Variants in ADAMTS18 observed in about 807,000 individuals in gnomAD.
ADAMTS18 encodes the protein ADAM metallopeptidase with thrombospondin type 1 motif 18.
ADAMTS18 carries 157 observed loss-of-function variants against 165.9 expected under a neutral mutation model. The observed-to-expected ratio is 0.95, with a 90% confidence interval of 0.83 to 1.08. ADAMTS18 has a LOEUF of 1.08. Among genes scored for constraint, ADAMTS18 ranks in the 50% least tolerant of loss-of-function variants. The pLI, the probability that ADAMTS18 is intolerant of heterozygous loss-of-function variation, is 0.00. For synonymous variants in ADAMTS18, 782 were observed against 578.2 expected (o/e 1.35, Z -5.06); for missense variants, 2,040 against 1,534.0 (o/e 1.33, Z -5.51).
chr16:77,314,480 T>C (rs1297167997), intron 16 of ADAMTS18, among the ~76,000 whole-genome samples: 1 of 150,768 alleles, frequency 6.6e-6, no homozygotes, highest in Non-Finnish European at 1.5e-5. Flanking sequence ...GGCATGGTAG[T>C]GCACGCCTGT....
chr16:77,334,795 C>CTATAGTATACAGTA (rs2056275376), intron 12 of ADAMTS18, among the ~76,000 whole-genome samples: 29 of 20,340 alleles, frequency 1.4e-3, no homozygotes, highest in Admixed American at 5.9e-3. Context: ...AGTAAATATA[C>CTATAGTATACAGTA]TATATACTAT....
chr16:77,305,040 G>T (rs796114735), intron 16 of ADAMTS18, among the ~76,000 whole-genome samples: 2 of 152,286 alleles, frequency 1.3e-5, no homozygotes, highest in African/African-American at 4.8e-5. Flanking sequence ...CAAACCAGCA[G>T]AAAGCTGATG....
At chr16:77,378,701 T>C (rs1177741135) in intron 3 of ADAMTS18, among the ~76,000 whole-genome samples, 1 of 151,838 alleles carries the variant, frequency 6.6e-6, no homozygotes, top group Non-Finnish European at 1.5e-5. Flanking sequence ...GGTGACAGAG[T>C]GAAACTGTGT....
chr16:77,403,349 G>A (rs1301335357), intron 3 of ADAMTS18, among the ~76,000 whole-genome samples: 1 of 147,454 alleles, frequency 6.8e-6, no homozygotes, highest in Non-Finnish European at 1.5e-5. Context: ...TTTGGAGGTA[G>A]GCAGTATGAA....
intron 3 of ADAMTS18, among the ~76,000 whole-genome samples, chr16:77,418,464 A>T (rs1294801107): frequency 6.6e-6 from 1 of 152,164 alleles, no homozygotes; most frequent in Non-Finnish European, 1.5e-5. Flanking sequence ...TAAAGGGTAG[A>T]GAGGCCTGGA....
chr16:77,290,320 T>C (rs1455044446), intron 21 of ADAMTS18, among the ~76,000 whole-genome samples: 3 of 152,202 alleles, frequency 2.0e-5, no homozygotes, highest in South Asian at 4.1e-4. Context: ...CAAATGAACA[T>C]GGCTACATTC....
intron 11 of ADAMTS18, among the ~76,000 whole-genome samples, chr16:77,340,208 T>C (rs144418027): frequency 2.0e-5 from 3 of 152,316 alleles, no homozygotes; most frequent in Non-Finnish European, 4.4e-5. Context: ...AGAGTCTTGC[T>C]CTGTCACCCA....
At chr16:77,420,002 T>TAAAAAAAAAA (rs34486248) in intron 3 of ADAMTS18, among the ~76,000 whole-genome samples, 1 of 91,266 alleles carries the variant, frequency 1.1e-5, no homozygotes, top group Non-Finnish European at 2.0e-5. Context: ...TGTCGCAGAT[T>TAAAAAAAAAA]AAAAAAAAAA....
Position 77,385,250 on chromosome 16 carries a change from C to T in ADAMTS18, c.496-17527G>A, listed in dbSNP as rs536696297. Among the ~76,000 whole-genome samples the T allele has an allele frequency of 4.6e-5, 7 of 152,088 alleles. No individual in the cohort carries two copies. The East Asian group carries it at 5.8e-4, about 13-fold the overall frequency. ...ATATAAGATTAGTATCCCTTGTCAT[C>T]GAAAGTCTAACTCCTTTGCTATTTA... is the stretch of plus-strand genomic sequence containing the variant. On this transcript the variant is annotated intron_variant, in intron 3 of 22. Coordinates refer to ENST00000282849, the MANE Select transcript of ADAMTS18 (RefSeq NM_199355.4).
intron 11 of ADAMTS18, 147 bp from the exon 12 acceptor site, chr16:77,336,051 C>G (rs2056305770): frequency 4.2e-6 from 4 of 962,368 alleles, no homozygotes; most frequent in Non-Finnish European, 6.5e-6. Flanking sequence ...CTCTGCTGTG[C>G]TCTAAAAACA....
chr16:77,291,552 T>C, intron 20 of ADAMTS18, 74 bp from the exon 21 acceptor site: 1 of 1,452,204 alleles, frequency 6.9e-7, no homozygotes, highest in Admixed American at 1.7e-5. Flanking sequence ...CAGTTTGACA[T>C]AAGGTTGCAC....
intron 3 of ADAMTS18, among the ~76,000 whole-genome samples, chr16:77,389,519 G>T (rs1230835530): frequency 6.6e-6 from 1 of 152,136 alleles, no homozygotes; most frequent in Admixed American, 6.5e-5. Flanking sequence ...CACTGAAGTA[G>T]GACCTGCGAA....
At chr16:77,380,266 C>T (rs1192788978) in intron 3 of ADAMTS18, among the ~76,000 whole-genome samples, 1 of 152,208 alleles carries the variant, frequency 6.6e-6, no homozygotes, top group South Asian at 2.1e-4. Flanking sequence ...TCTTCAAAGC[C>T]CTTCAACTAT....
At chr16:77,366,660 T>C (rs2056799230) in intron 4 of ADAMTS18, among the ~76,000 whole-genome samples, 1 of 152,256 alleles carries the variant, frequency 6.6e-6, no homozygotes, top group Non-Finnish European at 1.5e-5. Context: ...ATCTACTTTT[T>C]TGACCTTAAT....
chr16:77,433,779 G>T (rs2057765693), intron 2 of ADAMTS18, among the ~76,000 whole-genome samples: 2 of 152,138 alleles, frequency 1.3e-5, no homozygotes, highest in South Asian at 4.1e-4. Flanking sequence ...TCAAAACAAG[G>T]ATTTCCCTCT....
chr16:77,426,033 T>C (rs574228660), intron 3 of ADAMTS18, among the ~76,000 whole-genome samples: 1 of 151,694 alleles, frequency 6.6e-6, no homozygotes, highest in African/African-American at 2.4e-5. Flanking sequence ...ACAGCGAGAC[T>C]CCACATCAAA....
At chr16:77,288,543 ACT>A (rs1223224169) in intron 22 of ADAMTS18, among the ~76,000 whole-genome samples, 1 of 152,106 alleles carries the variant, frequency 6.6e-6, no homozygotes, top group Non-Finnish European at 1.5e-5. Flanking sequence ...ATCAGTACTC[ACT>A]GCACTTCCCT....
intron 3 of ADAMTS18, among the ~76,000 whole-genome samples, chr16:77,401,987 C>G (rs1244957623): frequency 1.3e-5 from 2 of 152,136 alleles, no homozygotes; most frequent in Non-Finnish European, 1.5e-5. Context: ...TGTTCGGACT[C>G]AGGTCAAATC....
At chr16:77,339,004 G>C (rs78599754) in intron 11 of ADAMTS18, among the ~76,000 whole-genome samples, 1,531 of 151,532 alleles carry the variant, frequency 0.01, 30 homozygotes, top group African/African-American at 0.035. Context: ...CATGTTGGCT[G>C]AGTATTCACA....
Sources: gnomAD v4.1 joint callset for allele counts (sites outside exome capture counted in the v4.1 genomes callset) on GRCh38, gnomAD v4.1.1 for gene constraint, MANE v1.5 for transcripts, NCBI Gene and HGNC (gene_info 2026-07-23, HGNC 2026-07-21) for gene names.